EZH2: variants seen among roughly 807,000 people sequenced by gnomAD.
EZH2 encodes the protein enhancer of zeste 2 polycomb repressive complex 2 subunit.
In EZH2, 18 loss-of-function variants were observed where a neutral mutation model predicts 98.4. The ratio of observed to expected loss-of-function variants is 0.18; its 90% confidence interval spans 0.13 to 0.27. EZH2 has a LOEUF of 0.27. EZH2 is among the 10% of genes least tolerant of loss of function. The pLI is 1.00. For missense variants in EZH2, 470 were observed against 935.1 expected, an observed-to-expected ratio of 0.50 and a Z score of 6.49; for synonymous variants, 338 against 312.3, an observed-to-expected ratio of 1.08 and a Z score of -0.87.
chr7:148,835,700 T>G (rs1472656008), intron 3 of EZH2, among the ~76,000 whole-genome samples: 1 of 152,194 alleles, frequency 6.6e-6, no homozygotes. Context: ...ATTAATTCTG[T>G]GGCTTCTGAA....
chr7:148,850,184 A>G (rs993285693), intron 1 of EZH2, among the ~76,000 whole-genome samples: 1 of 151,940 alleles, frequency 6.6e-6, no homozygotes, highest in African/African-American at 2.4e-5. Flanking sequence ...ACGCCAGGCT[A>G]ATTTTTTGTA....
intron 1 of EZH2, among the ~76,000 whole-genome samples, chr7:148,866,547 T>TATATATAC (rs1163154571): frequency 1.0e-5 from 1 of 100,392 alleles, no homozygotes; most frequent in East Asian, 3.4e-4. Flanking sequence ...CGTATATACA[T>TATATATAC]ATATATACAT....
intron 12 of EZH2, 81 bp from the exon 13 acceptor site, chr7:148,815,627 C>G (rs1804347075): frequency 8.0e-7 from 1 of 1,245,428 alleles, no homozygotes; most frequent in East Asian, 2.3e-5. Flanking sequence ...CTGGATCTAT[C>G]TGTGCCATGA....
chr7:148,808,007 T>G (rs1801970249), intron 19 of EZH2, among the ~76,000 whole-genome samples: 1 of 152,046 alleles, frequency 6.6e-6, no homozygotes, highest in South Asian at 2.1e-4. Context: ...AAGCAAGTGG[T>G]CCCAGGAAGG....
intron 9 of EZH2, 150 bp downstream of exon 9, chr7:148,819,446 T>C (rs1805422486): frequency 6.3e-6 from 4 of 632,606 alleles, no homozygotes; most frequent in Non-Finnish European, 1.1e-5. Context: ...ACATGAGCTA[T>C]GGAAGAAACA....
intron 1 of EZH2, among the ~76,000 whole-genome samples, chr7:148,868,133 T>C (rs1818818537): frequency 2.6e-5 from 4 of 152,192 alleles, no homozygotes; most frequent in Admixed American, 2.6e-4. Context: ...TACCAACCTG[T>C]GCCCATTACT....
At chr7:148,832,570 A>T in intron 4 of EZH2, 64 bp downstream of exon 4, 1 of 879,128 alleles carries the variant, frequency 1.1e-6, no homozygotes, top group Non-Finnish European at 1.8e-6. Context: ...CAATAAAATT[A>T]TCTATGCTTT....
chr7:148,858,611 A>G (rs1817207437), intron 1 of EZH2, among the ~76,000 whole-genome samples: 1 of 152,136 alleles, frequency 6.6e-6, no homozygotes, highest in Non-Finnish European at 1.5e-5. Context: ...TGAAGCCTCA[A>G]ATTCCTGGGC....
chr7:148,843,602 T>G (rs1468110486), intron 3 of EZH2, among the ~76,000 whole-genome samples: 255 of 120,556 alleles, frequency 2.1e-3, no homozygotes, highest in African/African-American at 7.9e-3. Flanking sequence ...TTTTTTTTTT[T>G]TTTTTTTTTT....
At chr7:148,833,084 C>A (rs1353928130) in intron 3 of EZH2, among the ~76,000 whole-genome samples, 3 of 152,290 alleles carry the variant, frequency 2.0e-5, no homozygotes, top group Admixed American at 6.5e-5. Context: ...CCTAGCTCAT[C>A]CTTCATTTCT....
intron 3 of EZH2, chr7:148,836,974 T>C (rs961766373): frequency 4.0e-6 from 2 of 502,700 alleles, no homozygotes; most frequent in African/African-American, 1.9e-5. Context: ...TTATGGAAAA[T>C]CGTAGAGGGA....
intron 1 of EZH2, among the ~76,000 whole-genome samples, chr7:148,852,998 A>T (rs1158137967): frequency 6.6e-6 from 1 of 152,198 alleles, no homozygotes; most frequent in Admixed American, 6.5e-5. Flanking sequence ...ACTTTAAACC[A>T]GCAGTCTCCA....
intron 3 of EZH2, among the ~76,000 whole-genome samples, chr7:148,842,787 C>T (rs992294104): frequency 3.3e-5 from 5 of 151,844 alleles, no homozygotes; most frequent in African/African-American, 4.8e-5. Flanking sequence ...CATTAAGGGA[C>T]GGGTATGGTG....
At chr7:148,838,277 C>A (rs1368216764) in intron 3 of EZH2, among the ~76,000 whole-genome samples, 2 of 152,010 alleles carry the variant, frequency 1.3e-5, no homozygotes, top group Non-Finnish European at 2.9e-5. Context: ...CTATGTTGCT[C>A]AGGCTGGGAG....
At chr7:148,878,950 C>T (rs10249029) in intron 1 of EZH2, among the ~76,000 whole-genome samples, 96,691 of 151,470 alleles carry the variant, frequency 0.64, 30,979 homozygotes, top group Middle Eastern at 0.69. Flanking sequence ...GCCAGGCGTG[C>T]GCAGTAGCTC....
chr7:148,853,732 TAC>T (rs1001918933), intron 1 of EZH2, among the ~76,000 whole-genome samples: 2 of 152,254 alleles, frequency 1.3e-5, no homozygotes, highest in Non-Finnish European at 2.9e-5. Context: ...ACATGTTCAG[TAC>T]ACACACTTTT....
chr7:148,872,307 G>A, intron 1 of EZH2, among the ~76,000 whole-genome samples: 1 of 152,152 alleles, frequency 6.6e-6, no homozygotes, highest in East Asian at 1.9e-4. Context: ...ACAGAAAGTA[G>A]AAAGGTGGCT....
At chr7:148,838,372 T>C (rs1811460190) in intron 3 of EZH2, among the ~76,000 whole-genome samples, 1 of 152,148 alleles carries the variant, frequency 6.6e-6, no homozygotes, top group Non-Finnish European at 1.5e-5. Flanking sequence ...CATGCAAACC[T>C]ACTTAATCCT....
At chr7:148,859,535 CAAA>C (rs1473448087) in intron 1 of EZH2, among the ~76,000 whole-genome samples, 12 of 150,912 alleles carry the variant, frequency 8.0e-5, no homozygotes, top group African/African-American at 2.9e-4. Flanking sequence ...ACAACAACAA[CAAA>C]GTAAAATGTT....
Sources: allele counts gnomAD v4.1 joint callset (sites outside exome capture counted in the v4.1 genomes callset), GRCh38; gene constraint gnomAD v4.1.1; transcripts MANE v1.5; gene names NCBI Gene and HGNC (gene_info 2026-07-23, HGNC 2026-07-21).